The following CCDC15 variants were observed in gnomAD, a reference collection of about 807,000 sequenced individuals.
CCDC15 encodes coiled-coil domain-containing protein 15.
A neutral mutation model predicts 114.5 loss-of-function variants in CCDC15; 105 were observed. That is an observed-to-expected ratio of 0.92 (90% CI 0.78 to 1.08). The LOEUF is 1.08. Ranked by LOEUF, CCDC15 falls within the 50% of genes least tolerant of loss-of-function variation. CCDC15 has a pLI of 0.00. For missense variants in CCDC15, 1,105 were observed against 1,093.6 expected (o/e 1.01, Z -0.15); for synonymous variants, 334 against 377.8 (o/e 0.88, Z 1.34).
Position 125,040,856 on chromosome 11 carries a change from T to A in CCDC15, c.*145T>A. ...TATAATAATTAGATTGTAATCATTG[T>A]TTTAATCTCTGTCTGGGAACCAAGA... On this transcript the variant is annotated 3_prime_UTR_variant, in exon 16 of 16. Transcript: ENST00000344762. 1.3e-6 allele frequency: 1 copy of A among 752,390 alleles called. No individual in the cohort carries two copies. Among genetic ancestry groups the A allele is most frequent in the Non-Finnish European group, 2.1e-6 (1 of 480,974 alleles). 46.6% of individuals were successfully genotyped at this position (752,390 alleles called of 1,614,324 possible).
chr11:125,038,691 A>C (rs1001253318), intron 14 of CCDC15, 87 bp downstream of exon 14: 142 of 1,294,044 alleles, frequency 1.1e-4, no homozygotes, highest in Non-Finnish European at 1.3e-4. Context: ...AAGAGAATTG[A>C]CTGTGTCTTT....
At chr11:124,955,009 C>T in intron 2 of CCDC15, 100 bp downstream of exon 2, 1 of 1,047,374 alleles carries the variant, frequency 9.5e-7, no homozygotes, top group Non-Finnish European at 1.4e-6. Flanking sequence ...TCCGAGGATG[C>T]TGTTTCTATT....
At chr11:125,035,049 G>A (rs1948766815) in intron 13 of CCDC15, among the ~76,000 whole-genome samples, 1 of 152,160 alleles carries the variant, frequency 6.6e-6, no homozygotes, top group Non-Finnish European at 1.5e-5. Flanking sequence ...TGAAGAACTT[G>A]GAGTCTGATG....
At chr11:125,031,306 G>A (rs1948737629) in intron 13 of CCDC15, among the ~76,000 whole-genome samples, 1 of 152,198 alleles carries the variant, frequency 6.6e-6, no homozygotes, top group South Asian at 2.1e-4. Context: ...TTGATCACAG[G>A]GAACTCCCCA....
chr11:125,032,893 G>C (rs1948750094), intron 13 of CCDC15, among the ~76,000 whole-genome samples: 3 of 152,124 alleles, frequency 2.0e-5, no homozygotes, highest in Non-Finnish European at 4.4e-5. Context: ...TGATGTTTTG[G>C]GCCCCTGGAT....
chr11:125,007,894 G>A (rs1400638181), intron 13 of CCDC15, among the ~76,000 whole-genome samples: 1 of 152,176 alleles, frequency 6.6e-6, no homozygotes. Context: ...TCCTCAGGTC[G>A]TTTGGTTCTA....
At chr11:125,031,868 T>C (rs558129710) in intron 13 of CCDC15, among the ~76,000 whole-genome samples, 13 of 152,282 alleles carry the variant, frequency 8.5e-5, no homozygotes, top group Admixed American at 2.6e-4. Context: ...CGATAAATAG[T>C]CTGGGGTAAC....
intron 13 of CCDC15, among the ~76,000 whole-genome samples, chr11:125,031,625 A>G (rs1002368933): frequency 2.2e-4 from 33 of 152,230 alleles, no homozygotes; most frequent in African/African-American, 8.0e-4. Context: ...TTATCTGCAG[A>G]AGATGGCAGG....
chr11:125,031,046 T>C (rs982850645), intron 13 of CCDC15, among the ~76,000 whole-genome samples: 1 of 152,160 alleles, frequency 6.6e-6, no homozygotes, highest in Non-Finnish European at 1.5e-5. Flanking sequence ...GACCATCCAG[T>C]CAAACCATTG....
intron 13 of CCDC15, among the ~76,000 whole-genome samples, chr11:125,023,947 G>T (rs1948678452): frequency 6.6e-6 from 1 of 151,988 alleles, no homozygotes; most frequent in South Asian, 2.1e-4. Flanking sequence ...AAAGTTAGTG[G>T]TTGCTAGGGC....
intron 6 of CCDC15, among the ~76,000 whole-genome samples, chr11:124,984,318 C>T (rs1228317945): frequency 6.6e-6 from 1 of 152,070 alleles, no homozygotes; most frequent in East Asian, 1.9e-4. Context: ...TCTGCCAGCA[C>T]AGGAGCTATT....
chr11:125,031,642 C>A (rs896765124), intron 13 of CCDC15, among the ~76,000 whole-genome samples: 4 of 152,206 alleles, frequency 2.6e-5, no homozygotes, highest in African/African-American at 4.8e-5. Context: ...CAGGGCCTTG[C>A]TCCAAAATCC....
chr11:124,991,122 AT>A (rs1458351672), intron 8 of CCDC15, among the ~76,000 whole-genome samples: 1 of 152,220 alleles, frequency 6.6e-6, no homozygotes, highest in Non-Finnish European at 1.5e-5. Flanking sequence ...GCCAACATCC[AT>A]TTTGATAGGT....
chr11:124,972,856 C>T (rs552062486), intron 4 of CCDC15, among the ~76,000 whole-genome samples: 4 of 152,276 alleles, frequency 2.6e-5, no homozygotes, highest in Admixed American at 1.3e-4. Flanking sequence ...CTACCTCTCT[C>T]GTAAGGACAC....
At chr11:125,036,160 T>C (rs899242138) in intron 13 of CCDC15, among the ~76,000 whole-genome samples, 5 of 132,442 alleles carry the variant, frequency 3.8e-5, no homozygotes, top group African/African-American at 1.5e-4. Context: ...ATAGGATAGG[T>C]CTGGTGTTGA....
chr11:124,973,800 T>C (rs1947926619), intron 4 of CCDC15, among the ~76,000 whole-genome samples: 2 of 152,056 alleles, frequency 1.3e-5, no homozygotes, highest in South Asian at 4.2e-4. Flanking sequence ...AAATTTTTTT[T>C]GTATTTTCTG....
Position 124,987,197 on chromosome 11 carries a change from G to T in CCDC15, c.971G>T (p.Gly324Val). 1.3e-6 allele frequency: 2 copies of T among 1,527,244 alleles called. No homozygotes were observed. Among genetic ancestry groups the T allele is most frequent in the Non-Finnish European group, 1.8e-6 (2 of 1,142,464 alleles). 94.6% of individuals were successfully genotyped at this position (1,527,244 alleles called of 1,614,324 possible). The change falls in exon 8 of 16, where the codon GGC (glycine) becomes GTC (valine). Residue 324 changes from glycine to valine, a missense_variant. Transcript: ENST00000344762. ...GAACAAAAGCAGTTACATTTTGAGG[G>T]CCTTCAGGATATTCTGCCAGAAGCC... ...EEEQKQLHFE[G>V]LQDILPEAQD...
chr11:124,963,122 A>T (rs1264972467), intron 4 of CCDC15, among the ~76,000 whole-genome samples: 3 of 152,178 alleles, frequency 2.0e-5, no homozygotes, highest in African/African-American at 7.2e-5. Flanking sequence ...GTGTCTTTAT[A>T]GTAGCATGAT....
intron 13 of CCDC15, among the ~76,000 whole-genome samples, chr11:125,034,744 C>T (rs563300945): frequency 2.2e-4 from 33 of 152,214 alleles, no homozygotes; most frequent in African/African-American, 7.9e-4. Context: ...TAGTGTTCTC[C>T]ATACTATTAG....
Sources: allele counts gnomAD v4.1 joint callset (sites outside exome capture counted in the v4.1 genomes callset), GRCh38; gene constraint gnomAD v4.1.1; transcripts MANE v1.5; gene names NCBI Gene and HGNC (gene_info 2026-07-23, HGNC 2026-07-21).